TPM1: variants seen among roughly 807,000 people sequenced by gnomAD.
The protein encoded by TPM1 is tropomyosin 1.
In TPM1, 24 loss-of-function variants were observed where a neutral mutation model predicts 42.9. The observed-to-expected ratio is 0.56, with a 90% CI of 0.41 to 0.79. The LOEUF is 0.79. TPM1 is among the 30% of genes least tolerant of loss of function. TPM1 has a pLI of 0.00. For missense variants in TPM1, 158 were observed against 351.8 expected (o/e 0.45, Z 4.41); for synonymous variants, 136 against 130.1 (o/e 1.05, Z -0.31).
Position 63,042,813 on chromosome 15 carries a change from C to A in TPM1, c.-17C>A. 1.2e-6 allele frequency: 2 copies of A among 1,608,670 alleles called. No homozygotes were observed. Among genetic ancestry groups the A allele is most frequent in the Admixed American group, 1.7e-5 (1 of 59,860 alleles). On this transcript the variant is annotated 5_prime_UTR_variant, in exon 1 of 10. Coordinates refer to ENST00000403994, the MANE Select transcript of TPM1 (RefSeq NM_001018005.2). Reference sequence around the variant, plus strand: ...GCCGCTCCTGCTGCAGCCCCAGGGCCCCTCGCCGCCGCCACCATGGACGCC... The same window carrying A: ...GCCGCTCCTGCTGCAGCCCCAGGGCACCTCGCCGCCGCCACCATGGACGCC...
intron 2 of TPM1, chr15:63,048,722 C>T (rs1173405434): frequency 1.3e-6 from 2 of 1,533,638 alleles, no homozygotes; most frequent in Non-Finnish European, 8.8e-7. Context: ...GGGATACACC[C>T]ATCACCCCGC....
chr15:63,043,074 G>GGC, intron 1 of TPM1, 131 bp downstream of exon 1: 1 of 782,692 alleles, frequency 1.3e-6, no homozygotes, highest in Non-Finnish European at 2.2e-6. Context: ...GGGCGGCCAG[G>GGC]GCGCGCGTCT....
chr15:63,049,630 C>CTTA (rs1409296994), intron 2 of TPM1, among the ~76,000 whole-genome samples: 1 of 152,152 alleles, frequency 6.6e-6, no homozygotes, highest in African/African-American at 2.4e-5. Context: ...TCCTGCTGTG[C>CTTA]TTAATATACG....
chr15:63,067,741 G>C (rs2036360053), downstream of TPM1, among the ~76,000 whole-genome samples: 1 of 152,170 alleles, frequency 6.6e-6, no homozygotes, highest in South Asian at 2.1e-4. Context: ...TTTGAACCAG[G>C]CTTCTGGTTC....
intron 2 of TPM1, among the ~76,000 whole-genome samples, chr15:63,054,229 C>G (rs1195789708): frequency 5.9e-5 from 9 of 152,116 alleles, no homozygotes; most frequent in Admixed American, 2.0e-4. Flanking sequence ...TGCTGGGGCA[C>G]CCTGTATGAA....
intron 2 of TPM1, chr15:63,048,426 C>A (rs936114079): frequency 2.2e-6 from 3 of 1,351,282 alleles, no homozygotes; most frequent in Admixed American, 4.0e-5. Flanking sequence ...CCGGACTGCT[C>A]CTGGCCGCAG....
chr15:63,062,836 CTAGT>C (rs1179902793), intron 8 of TPM1, 191 bp downstream of exon 8: 5 of 1,530,650 alleles, frequency 3.3e-6, no homozygotes, highest in Admixed American at 2.0e-5. Flanking sequence ...CACGAGGTGA[CTAGT>C]TAGCCACCAG....
intron 7 of TPM1, 107 bp downstream of exon 7, chr15:63,062,384 A>G (rs570334935): frequency 5.9e-6 from 8 of 1,349,330 alleles, no homozygotes; most frequent in Non-Finnish European, 8.5e-6. Context: ...CAAGTCAGGA[A>G]TATTCAAAGG....
At chr15:63,066,852 T>G (rs1294140436), downstream of TPM1, among the ~76,000 whole-genome samples, 5 of 152,088 alleles carry the variant, frequency 3.3e-5, no homozygotes, top group African/African-American at 1.2e-4. Context: ...AATGGCTGTG[T>G]TTTCATTTGT....
intron 2 of TPM1, chr15:63,054,710 A>T (rs953391394): frequency 6.6e-6 from 1 of 152,234 alleles, no homozygotes; most frequent in Non-Finnish European, 1.5e-5. Context: ...TGTAACAAGG[A>T]TATTTGCCAT....
At chr15:63,063,076 A>T (rs11071723) in intron 8 of TPM1, 791,433 of 979,908 alleles carry the variant, frequency 0.81, 320,090 homozygotes, top group East Asian at 1. Context: ...TTTAGGGGTT[A>T]TTTTAAGTCA....
chr15:63,062,689 A>G, intron 8 of TPM1, 44 bp downstream of exon 8: 1 of 1,614,104 alleles, frequency 6.2e-7, no homozygotes, highest in Non-Finnish European at 8.5e-7. Flanking sequence ...TTATGGTTGA[A>G]TACCAACCTG....
chr15:63,070,946 G>C (rs2036576280), downstream of TPM1: 1 of 1,481,752 alleles, frequency 6.7e-7, no homozygotes, highest in African/African-American at 1.4e-5. Flanking sequence ...TTCTTGTCTA[G>C]AAATGAGTAA....
At chr15:63,055,937 C>A (rs1596355254) in intron 2 of TPM1, 1 of 152,184 alleles carries the variant, frequency 6.6e-6, no homozygotes, top group Non-Finnish European at 1.5e-5. Context: ...ATTTCAGTGA[C>A]AGATACCAAG....
rs960166005 is a variant in TPM1 at position 63,062,132 on chromosome 15, C to T, written c.640-83C>T. On this transcript the variant is annotated intron_variant, in intron 6 of 9. Coordinates refer to ENST00000403994, the MANE Select transcript of TPM1 (RefSeq NM_001018005.2). ...CTAAGAGATCCTTAACATCTGTTGG[C>T]TGAGCTGGCGAGTTCTTTGCATGAG... 11 of 1,252,588 alleles carry T rather than the reference C, an allele frequency of 8.8e-6. No homozygotes were observed. In the East Asian group the frequency reaches 2.3e-4, roughly 27 times the overall value. 77.6% of individuals were successfully genotyped at this position (1,252,588 alleles called of 1,614,324 possible). A position where few individuals can be genotyped will look rare whatever the true frequency, so the allele number is the denominator to read the frequency against.
At position 63,064,123 on chromosome 15, in the gene TPM1, C is replaced by G. The variant is rs730881161; in HGVS notation, c.832C>G (p.Leu278Val). The change falls in exon 9 of 10, where the codon CTC (leucine) becomes GTC (valine). Residue 278 changes from leucine to valine, a missense_variant. Around this residue, in one of 4 missense-constraint regions of TPM1, gnomAD observed 64 missense variants for 95.8 expected, o/e 0.67. Coordinates refer to ENST00000403994, the MANE Select transcript of TPM1 (RefSeq NM_001018005.2). Reference protein sequence around the residue: ...KAISEELDHALNDMTSI With the variant: ...KAISEELDHAVNDMTSI ...CATCAGCGAGGAGCTGGACCACGCT[C>G]TCAACGATATGACTTCCATGTAAAC... 2 of 1,614,110 alleles carry G rather than the reference C, an allele frequency of 1.2e-6. No individual in the cohort carries two copies. The highest frequency in any genetic ancestry group is 1.1e-5 in the South Asian group (1 of 91,032).
chr15:63,050,273 C>A (rs563240586), intron 2 of TPM1, among the ~76,000 whole-genome samples: 1 of 152,288 alleles, frequency 6.6e-6, no homozygotes, highest in South Asian at 2.1e-4. Flanking sequence ...TAAAACACTT[C>A]ATTTACTGCT....
intron 2 of TPM1, chr15:63,048,590 C>G (rs1324066919): frequency 6.5e-7 from 1 of 1,530,542 alleles, no homozygotes; most frequent in East Asian, 2.5e-5. Flanking sequence ...CGGGGAGTAG[C>G]TCGCTGGAGG....
chr15:63,065,373 C>A, intron 9 of TPM1: 1 of 989,970 alleles, frequency 1.0e-6, no homozygotes. Flanking sequence ...ATTCATTTAC[C>A]CATGCAGAAA....
Sources: gnomAD v4.1 joint callset for allele counts (sites outside exome capture counted in the v4.1 genomes callset) on GRCh38, gnomAD v4.1.1 for gene constraint, gnomAD v4.1.1 regional missense constraint, MANE v1.5 for transcripts, NCBI Gene and HGNC (gene_info 2026-07-23, HGNC 2026-07-21) for gene names.